DOCK2: variants seen among roughly 807,000 people sequenced by gnomAD.
DOCK2 encodes the protein dedicator of cytokinesis 2.
DOCK2 carries 87 observed loss-of-function variants against 248.9 expected under a neutral mutation model. The ratio of observed to expected loss-of-function variants is 0.35; its 90% CI spans 0.29 to 0.42. DOCK2 has a LOEUF of 0.42. DOCK2 is among the 10% of genes least tolerant of loss of function. The pLI is 1.00. For synonymous variants in DOCK2, 805 were observed against 821.6 expected, an observed-to-expected ratio of 0.98 and a Z score of 0.35; for missense variants, 1,747 against 2,300.2, an observed-to-expected ratio of 0.76 and a Z score of 4.92.
At chr5:169,670,434 A>G (rs554129887) in intron 3 of DOCK2, 108 bp from the exon 4 acceptor site, 1 of 1,278,732 alleles carries the variant, frequency 7.8e-7, no homozygotes, top group African/African-American at 1.5e-5. Context: ...TGGGGATTTT[A>G]TAAGCCAGTA....
chr5:169,881,257 A>T, intron 27 of DOCK2: 1 of 843,326 alleles, frequency 1.2e-6, no homozygotes, highest in Non-Finnish European at 1.9e-6. Context: ...TCATAGTTAA[A>T]TACCTTGTTT....
chr5:169,727,835 G>T (rs1327567337), intron 22 of DOCK2, among the ~76,000 whole-genome samples: 1 of 152,186 alleles, frequency 6.6e-6, no homozygotes, highest in East Asian at 1.9e-4. Context: ...GCTTTTGGCG[G>T]TGGGGAGCCA....
At chr5:169,676,417 C>G (rs190664613) in intron 6 of DOCK2, among the ~76,000 whole-genome samples, 18 of 152,342 alleles carry the variant, frequency 1.2e-4, no homozygotes, top group African/African-American at 4.1e-4. Context: ...AGCCCCTCCT[C>G]TGCAGCATCC....
intron 2 of DOCK2, among the ~76,000 whole-genome samples, chr5:169,661,031 C>G (rs777957534): frequency 6.6e-6 from 1 of 151,834 alleles, no homozygotes; most frequent in Non-Finnish European, 1.5e-5. Flanking sequence ...AAAATATGCC[C>G]AACTTTCTCT....
chr5:169,906,595 G>C (rs1157521566), intron 27 of DOCK2, among the ~76,000 whole-genome samples: 1 of 152,172 alleles, frequency 6.6e-6, no homozygotes. Flanking sequence ...GCCTCCCAAA[G>C]TGCTGGGGTT....
chr5:169,703,340 A>G (rs1303763412), intron 14 of DOCK2, among the ~76,000 whole-genome samples: 1 of 152,198 alleles, frequency 6.6e-6, no homozygotes, highest in East Asian at 1.9e-4. Context: ...CAGGGGAATT[A>G]CCATGTGTCA....
intron 29 of DOCK2, among the ~76,000 whole-genome samples, chr5:169,992,827 A>G (rs1311585445): frequency 6.6e-6 from 1 of 152,128 alleles, no homozygotes; most frequent in Non-Finnish European, 1.5e-5. Context: ...TTCCAAACCC[A>G]AACATGGGCA....
At chr5:169,728,320 A>G (rs1762595617) in intron 22 of DOCK2, among the ~76,000 whole-genome samples, 1 of 152,214 alleles carries the variant, frequency 6.6e-6, no homozygotes, top group African/African-American at 2.4e-5. Context: ...ATGGAGACAC[A>G]GTTTTGGTTG....
chr5:169,957,461 C>T (rs1368583752), intron 27 of DOCK2, among the ~76,000 whole-genome samples: 1 of 152,144 alleles, frequency 6.6e-6, no homozygotes, highest in Non-Finnish European at 1.5e-5. Context: ...TTGTCCTTTC[C>T]ACAGCCCTGT....
At chr5:170,022,935 A>G (rs1240536743) in intron 33 of DOCK2, among the ~76,000 whole-genome samples, 1 of 152,232 alleles carries the variant, frequency 6.6e-6, no homozygotes, top group African/African-American at 2.4e-5. Flanking sequence ...GGTGCATTCC[A>G]GCAAATGTTT....
At chr5:169,839,748 G>A (rs1330776298) in intron 26 of DOCK2, among the ~76,000 whole-genome samples, 1 of 152,152 alleles carries the variant, frequency 6.6e-6, no homozygotes, top group Non-Finnish European at 1.5e-5. Flanking sequence ...CAAGCACCAT[G>A]TGGTTACCAT....
intron 28 of DOCK2, among the ~76,000 whole-genome samples, 190 bp from the exon 29 acceptor site, chr5:169,985,638 T>G (rs1019331349): frequency 1.3e-5 from 2 of 152,222 alleles, no homozygotes; most frequent in Non-Finnish European, 2.9e-5. Context: ...CATATTCATG[T>G]TCCACTGACA....
intron 27 of DOCK2, among the ~76,000 whole-genome samples, chr5:169,908,707 TTTTTTC>T (rs1774425244): frequency 1.6e-5 from 2 of 122,672 alleles, no homozygotes; most frequent in South Asian, 5.2e-4. Flanking sequence ...TTCTCTTTTC[TTTTTTC>T]TTTTTTTTTT....
At chr5:169,997,701 C>T (rs1019721662) in intron 30 of DOCK2, among the ~76,000 whole-genome samples, 1 of 150,404 alleles carries the variant, frequency 6.6e-6, no homozygotes, top group Non-Finnish European at 1.5e-5. Flanking sequence ...TCAGAGAGCA[C>T]GGGGTTGGGG....
intron 44 of DOCK2, among the ~76,000 whole-genome samples, chr5:170,060,392 C>T (rs1757288447): frequency 6.6e-6 from 1 of 152,214 alleles, no homozygotes; most frequent in Admixed American, 6.5e-5. Flanking sequence ...GGAATACCTT[C>T]ATAGCCTAGT....
At chr5:169,708,862 G>A (rs1379980410) in intron 15 of DOCK2, among the ~76,000 whole-genome samples, 1 of 152,192 alleles carries the variant, frequency 6.6e-6, no homozygotes, top group Non-Finnish European at 1.5e-5. Context: ...ACCACACCCA[G>A]CCTTCTTCCT....
intron 27 of DOCK2, among the ~76,000 whole-genome samples, chr5:169,890,294 C>A (rs1240189668): frequency 6.6e-6 from 1 of 152,162 alleles, no homozygotes; most frequent in Non-Finnish European, 1.5e-5. Context: ...CTCCAAAGTC[C>A]TAAGCACAGT....
intron 28 of DOCK2, 145 bp downstream of exon 28, chr5:169,983,311 G>T: frequency 1.2e-6 from 1 of 844,032 alleles, no homozygotes. Flanking sequence ...AGACATTTTG[G>T]GGTTTAAGAG....
At chr5:169,915,775 G>A (rs1774843137) in intron 27 of DOCK2, among the ~76,000 whole-genome samples, 1 of 152,146 alleles carries the variant, frequency 6.6e-6, no homozygotes, top group African/African-American at 2.4e-5. Context: ...TTACTGAAGA[G>A]TCTACATATG....
Sources: gnomAD v4.1 joint callset for allele counts (sites outside exome capture counted in the v4.1 genomes callset) on GRCh38, gnomAD v4.1.1 for gene constraint, MANE v1.5 for transcripts, NCBI Gene and HGNC (gene_info 2026-07-23, HGNC 2026-07-21) for gene names.